PCDHGB4: variants seen among roughly 807,000 people sequenced by gnomAD.
PCDHGB4 encodes the protein protocadherin gamma-B4.
Under a neutral mutation model 60.5 loss-of-function variants are expected in PCDHGB4, and 38 were observed. The observed-to-expected ratio is 0.63, with a 90% CI of 0.48 to 0.82. PCDHGB4 has a LOEUF of 0.82. Among genes scored for constraint, PCDHGB4 ranks in the 40% least tolerant of loss-of-function variants. The pLI is 0.00. For missense variants in PCDHGB4, 1,109 were observed against 1,209.6 expected, an observed-to-expected ratio of 0.92 and a Z score of 1.23; for synonymous variants, 456 against 509.7, an observed-to-expected ratio of 0.89 and a Z score of 1.42.
At chr5:141,401,322 A>G (rs2094140521) in intron 1 of PCDHGB4, among the ~76,000 whole-genome samples, 1 of 152,218 alleles carries the variant, frequency 6.6e-6, no homozygotes, top group African/African-American at 2.4e-5. Flanking sequence ...AGCCTGGGCA[A>G]CAAGAGCAAA....
chr5:141,466,195 C>G (rs1269214888), intron 1 of PCDHGB4, among the ~76,000 whole-genome samples: 1 of 151,748 alleles, frequency 6.6e-6, no homozygotes, highest in Non-Finnish European at 1.5e-5. Flanking sequence ...TTTTCAGACA[C>G]AGCCTTGCTC....
At chr5:141,400,560 C>CGTAA in intron 1 of PCDHGB4, 5 of 1,613,248 alleles carry the variant, frequency 3.1e-6, no homozygotes, top group Non-Finnish European at 3.4e-6. Flanking sequence ...TTTCATTACC[C>CGTAA]ACCCAATTTT....
chr5:141,421,443 GAC>G (rs771422215), intron 1 of PCDHGB4: 47 of 1,613,988 alleles, frequency 2.9e-5, no homozygotes, highest in Non-Finnish European at 3.6e-5. Context: ...CCAGAGGGAA[GAC>G]ACAGCTTTTC....
At chr5:141,435,346 G>A (rs2097758346) in intron 1 of PCDHGB4, among the ~76,000 whole-genome samples, 1 of 152,012 alleles carries the variant, frequency 6.6e-6, no homozygotes, top group South Asian at 2.1e-4. Flanking sequence ...TATTTCTTCT[G>A]CATTTAAAAT....
chr5:141,413,793 C>G, intron 1 of PCDHGB4: 1 of 1,613,106 alleles, frequency 6.2e-7, no homozygotes, highest in South Asian at 1.1e-5. Context: ...CCCTAGATCG[C>G]GAGGAAGAGG....
intron 1 of PCDHGB4, chr5:141,404,217 T>C (rs1188874623): frequency 6.2e-7 from 1 of 1,613,588 alleles, no homozygotes; most frequent in Non-Finnish European, 8.5e-7. Context: ...AATATCACGG[T>C]GACTGCAACA....
At position 141,511,313 on chromosome 5, in the gene PCDHGB4, CAGAA is replaced by C; in HGVS notation, c.*142_*145del. The C allele has an allele frequency of 2.0e-6, 3 of 1,482,944 alleles. No homozygotes were observed. In the South Asian group the frequency reaches 4.1e-5, roughly 20 times the overall value. 91.9% of individuals were successfully genotyped at this position (1,482,944 alleles called of 1,614,324 possible). ...CCAAGGCCATGCTCCCCTTGGGAAA[CAGAA>C]ACAAGTGCCCAGTCAGCACCTACCC... On this transcript the variant is annotated 3_prime_UTR_variant, in exon 4 of 4. Transcript: ENST00000519479.
rs1399077321 is a variant in PCDHGB4, at chr5:141,474,090, AAAC to A, written c.2398-20708_2398-20706del. Among the ~76,000 whole-genome samples the A allele has an allele frequency of 2.6e-5, 4 of 152,206 alleles. No individual in the cohort carries two copies. In the East Asian group the frequency reaches 5.8e-4, roughly 22 times the overall value. On this transcript the variant is annotated intron_variant, in intron 1 of 3. Coordinates refer to ENST00000519479, the MANE Select transcript of PCDHGB4 (RefSeq NM_003736.4). ...GCCTCAGAAACAAAAACCAAAAAAC[AAAC>A]AACAACAAAAACAACAACAACGAAA...
chr5:141,410,154 A>C (rs1254712035), intron 1 of PCDHGB4: 1 of 1,612,962 alleles, frequency 6.2e-7, no homozygotes, highest in Non-Finnish European at 8.5e-7. Flanking sequence ...GACGGTGGAC[A>C]GCCGCCACTC....
In PCDHGB4 at chr5:141,388,356, C is replaced by A. The variant is rs756910714; in HGVS notation, c.472C>A (p.His158Asn). 1.2e-6 allele frequency: 2 copies of A among 1,613,944 alleles called. No homozygotes were observed. Among genetic ancestry groups the A allele is most frequent in the Non-Finnish European group, 1.7e-6 (2 of 1,179,878 alleles). ...PGTRFILGSA[H>N]DADIGSNTLQ... is the part of the protein sequence containing the mutation. Reference sequence around the variant, plus strand: ...CACACGATTTATATTAGGATCTGCCCATGATGCGGATATTGGTAGCAACAC... The same window carrying A: ...CACACGATTTATATTAGGATCTGCCAATGATGCGGATATTGGTAGCAACAC... Residue 158 changes from histidine (H) to asparagine (N), a missense_variant, in exon 1 of 4, where the codon CAT becomes AAT. Around this residue, in one of 2 missense-constraint regions of PCDHGB4, gnomAD observed 1,068 missense variants for 1,089.9 expected, o/e 0.98. Coordinates refer to ENST00000519479, the MANE Select transcript of PCDHGB4 (RefSeq NM_003736.4).
chr5:141,403,416 C>G, intron 1 of PCDHGB4: 1 of 1,614,034 alleles, frequency 6.2e-7, no homozygotes, highest in Non-Finnish European at 8.5e-7. Flanking sequence ...TATCCACTTC[C>G]AGAAGCTATT....
Position 141,493,034 on chromosome 5 carries a change from G to A in PCDHGB4, c.2398-1773G>A, listed in dbSNP as rs75211372. 6.6e-6 allele frequency among the ~76,000 whole-genome samples: 1 copy of A among 152,230 alleles called. No homozygotes were observed. Among genetic ancestry groups the A allele is most frequent in the African/African-American group, 2.4e-5 (1 of 41,458 alleles). On this transcript the variant is annotated intron_variant, in intron 1 of 3. Transcript: ENST00000519479. This position sits in a 1 kb window ranked among gnomAD's most constrained non-coding sequence, Gnocchi z 4.3. ...GCCAGATGCCAGGGTGCCCTTATGTGTGAGGAAACTACAATAGTAAAAAAC... is the reference window on the plus strand; with the variant it reads ...GCCAGATGCCAGGGTGCCCTTATGTATGAGGAAACTACAATAGTAAAAAAC...
intron 1 of PCDHGB4, chr5:141,423,750 TGGGG>T: frequency 7.0e-5 from 20 of 287,406 alleles, no homozygotes; most frequent in Non-Finnish European, 9.0e-5. Context: ...GAAAACTGTT[TGGGG>T]GGGGGGTGGG....
chr5:141,421,670 T>A, intron 1 of PCDHGB4: 3 of 1,613,892 alleles, frequency 1.9e-6, no homozygotes, highest in Non-Finnish European at 2.5e-6. Flanking sequence ...GAGCACGCAA[T>A]TCCTGGGGCG....
intron 1 of PCDHGB4, among the ~76,000 whole-genome samples, chr5:141,451,387 T>C (rs1039738460): frequency 6.6e-6 from 1 of 152,116 alleles, no homozygotes; most frequent in African/African-American, 2.4e-5. Flanking sequence ...TCTCACATAG[T>C]TAATGGCAAA....
chr5:141,403,044 T>C lies in PCDHGB4; in HGVS notation c.2397+12763T>C, dbSNP rs914251787. 7 of 1,613,960 alleles carry C rather than the reference T, an allele frequency of 4.3e-6. No individual in the cohort carries two copies. The Admixed American group carries it at 8.3e-5, about 19-fold the overall frequency. ...CTATGGGAGGCCAGGGCCAGTCAGA[T>C]TCGCTACTCAGTGCCTGAAGAGACA... is the stretch of plus-strand genomic sequence containing the variant. On this transcript the variant is annotated intron_variant, in intron 1 of 3. Transcript: ENST00000519479.
chr5:141,497,111 G>A (rs899232924), intron 2 of PCDHGB4, among the ~76,000 whole-genome samples: 16 of 152,010 alleles, frequency 1.1e-4, no homozygotes, highest in Non-Finnish European at 1.2e-4. Context: ...GCTTGAACCC[G>A]GAAGGCAGAG....
At chr5:141,469,951 T>G (rs1467717372) in intron 1 of PCDHGB4, among the ~76,000 whole-genome samples, 2 of 152,034 alleles carry the variant, frequency 1.3e-5, no homozygotes, top group African/African-American at 4.8e-5. Context: ...GCCAGCATGG[T>G]GAAACCCCAT....
At chr5:141,508,739 C>A (rs1344024245) in intron 3 of PCDHGB4, among the ~76,000 whole-genome samples, 1 of 152,156 alleles carries the variant, frequency 6.6e-6, no homozygotes, top group African/African-American at 2.4e-5. Context: ...ACACCCCCCA[C>A]CCCGCTCTTT....
Sources: allele counts gnomAD v4.1 joint callset (sites outside exome capture counted in the v4.1 genomes callset), GRCh38; gene constraint gnomAD v4.1.1; regional missense constraint gnomAD v4.1.1; non-coding constraint Gnocchi (gnomAD v3.1); transcripts MANE v1.5; gene names NCBI Gene and HGNC (gene_info 2026-07-23, HGNC 2026-07-21).